Variants in PTPN1 observed in about 807,000 individuals in gnomAD.
The protein encoded by PTPN1 is protein tyrosine phosphatase non-receptor type 1, also known as tyrosine-protein phosphatase non-receptor type 1.
In PTPN1, 12 loss-of-function variants were observed where a neutral mutation model predicts 59.9. The observed-to-expected ratio is 0.20, with a 90% CI of 0.13 to 0.32. The LOEUF (loss-of-function observed/expected upper bound fraction) is 0.32, where lower values mean the gene tolerates loss of function less well. PTPN1 is among the 10% of genes least tolerant of loss of function. The probability of loss-of-function intolerance (pLI) is 1.00; values close to 1 mark genes in which losing one functional copy is unlikely to be tolerated. For synonymous variants in PTPN1, 178 were observed against 203.6 expected (o/e 0.87, Z 1.07); for missense variants, 356 against 549.2 (o/e 0.65, Z 3.52).
At chr20:50,566,507 G>C (rs920262721) in intron 3 of PTPN1, among the ~76,000 whole-genome samples, 1 of 152,048 alleles carries the variant, frequency 6.6e-6, no homozygotes, top group Admixed American at 6.5e-5. Context: ...CCTTTGCCCT[G>C]GGGATTTACT....
intron 1 of PTPN1, among the ~76,000 whole-genome samples, chr20:50,546,721 G>C (rs1279199970): frequency 6.6e-6 from 1 of 152,166 alleles, no homozygotes; most frequent in African/African-American, 2.4e-5. Flanking sequence ...TGTGAGGATG[G>C]TTCTCCATAC....
chr20:50,563,120 A>G (rs1175936987), intron 2 of PTPN1: 1 of 151,648 alleles, frequency 6.6e-6, no homozygotes, highest in Non-Finnish European at 1.5e-5. Context: ...AAAAAAAAAA[A>G]AAAAAGTTAT....
chr20:50,516,141 A>G (rs763719166), intron 1 of PTPN1, among the ~76,000 whole-genome samples: 4 of 151,772 alleles, frequency 2.6e-5, no homozygotes, highest in Non-Finnish European at 5.9e-5. Context: ...GGGCCTTTGC[A>G]TGTGGTTGGT....
chr20:50,573,242 G>C (rs2082819942), intron 4 of PTPN1: 1 of 152,328 alleles, frequency 6.6e-6, no homozygotes, highest in African/African-American at 2.4e-5. Context: ...AGTCGTCTGT[G>C]ATCTGGGCCT....
chr20:50,530,731 C>T (rs561203266), intron 1 of PTPN1, among the ~76,000 whole-genome samples: 33 of 150,108 alleles, frequency 2.2e-4, no homozygotes, highest in Non-Finnish European at 4.4e-4. Flanking sequence ...TTCACTCTGT[C>T]ACCCAGGCTG....
intron 9 of PTPN1, 107 bp downstream of exon 9, chr20:50,581,567 A>G: frequency 8.0e-7 from 1 of 1,256,578 alleles, no homozygotes. Context: ...AGCCAGTCTC[A>G]GAAGAAACAG....
At chr20:50,562,715 C>T (rs890634632) in intron 2 of PTPN1, among the ~76,000 whole-genome samples, 2 of 152,128 alleles carry the variant, frequency 1.3e-5, no homozygotes, top group Non-Finnish European at 1.5e-5. Flanking sequence ...AGCTGAGGCA[C>T]CTCATTGATA....
At chr20:50,528,225 G>A (rs954428390) in intron 1 of PTPN1, among the ~76,000 whole-genome samples, 1 of 152,084 alleles carries the variant, frequency 6.6e-6, no homozygotes, top group Non-Finnish European at 1.5e-5. Flanking sequence ...CCTTGTCTAG[G>A]TCCTCCCATG....
chr20:50,525,914 G>A (rs867093134), intron 1 of PTPN1, among the ~76,000 whole-genome samples: 48 of 152,192 alleles, frequency 3.2e-4, no homozygotes, highest in African/African-American at 1.1e-3. Context: ...GGCCACTGTC[G>A]CAGGGGGAGG....
chr20:50,528,132 C>T (rs2143511), intron 1 of PTPN1, among the ~76,000 whole-genome samples: 91,504 of 151,978 alleles, frequency 0.6, 28,285 homozygotes, highest in African/African-American at 0.76. Flanking sequence ...AACTGATTCT[C>T]GTTCTTCTTT....
chr20:50,511,564 T>C (rs2122713098), intron 1 of PTPN1, among the ~76,000 whole-genome samples: 1 of 152,330 alleles, frequency 6.6e-6, no homozygotes, highest in Non-Finnish European at 1.5e-5. Context: ...GCTTAGTCTT[T>C]GGTCGTGGCA....
At chr20:50,573,768 A>G (rs2082822479) in intron 4 of PTPN1, 1 of 152,232 alleles carries the variant, frequency 6.6e-6, no homozygotes, top group Non-Finnish European at 1.5e-5. Context: ...TAACTGAGGC[A>G]GAAACTTAGT....
rs749523093 is a variant in PTPN1, at chr20:50,561,456, A to G, written c.154+3A>G. ...TAGGTACAGAGACGTCAGTCCCTGT[A>G]AGTATCCACGTGGCCGGTACCAGTC... On this transcript the variant is annotated splice_donor_region_variant and intron_variant, in intron 2 of 9. Transcript: ENST00000371621. The G allele has an allele frequency of 5.0e-6, 8 of 1,596,654 alleles. No individual in the cohort carries two copies. The South Asian group carries it at 7.8e-5, about 15-fold the overall frequency.
At chr20:50,545,903 T>C (rs899609803) in intron 1 of PTPN1, among the ~76,000 whole-genome samples, 1 of 148,406 alleles carries the variant, frequency 6.7e-6, no homozygotes, top group Non-Finnish European at 1.5e-5. Flanking sequence ...TGGAACGTAG[T>C]GCGTGGTGCC....
chr20:50,578,685 G>GT (rs1437471129), intron 6 of PTPN1, 56 bp downstream of exon 6: 12 of 1,456,514 alleles, frequency 8.2e-6, no homozygotes, highest in East Asian at 2.3e-5. Flanking sequence ...CTGCTGTGAT[G>GT]TTTTTTCCTA....
At chr20:50,514,938 G>C (rs2082522630) in intron 1 of PTPN1, among the ~76,000 whole-genome samples, 1 of 152,118 alleles carries the variant, frequency 6.6e-6, no homozygotes, top group Non-Finnish European at 1.5e-5. Context: ...TCACTGGTTG[G>C]TCACTATGGC....
At chr20:50,542,100 A>G (rs1204331626) in intron 1 of PTPN1, among the ~76,000 whole-genome samples, 2 of 152,246 alleles carry the variant, frequency 1.3e-5, no homozygotes, top group Non-Finnish European at 2.9e-5. Context: ...ATAACTTGAA[A>G]TGCAAGGACA....
At chr20:50,545,847 C>A (rs181934758) in intron 1 of PTPN1, among the ~76,000 whole-genome samples, 2 of 151,768 alleles carry the variant, frequency 1.3e-5, no homozygotes, top group South Asian at 4.2e-4. Context: ...GAGACCCCCC[C>A]TCCCCCCGTC....
chr20:50,574,684 G>T, intron 5 of PTPN1, 30 bp downstream of exon 5: 1 of 1,578,642 alleles, frequency 6.3e-7, no homozygotes, highest in South Asian at 1.2e-5. Context: ...CAGCACTTCA[G>T]GCGGCTACTG....
Sources: allele counts gnomAD v4.1 joint callset (sites outside exome capture counted in the v4.1 genomes callset), GRCh38; gene constraint gnomAD v4.1.1; transcripts MANE v1.5; gene names NCBI Gene and HGNC (gene_info 2026-07-23, HGNC 2026-07-21).